Variants in TNS3 observed in about 807,000 individuals in gnomAD.
The protein encoded by TNS3 is tensin 3.
A neutral mutation model predicts 140.9 loss-of-function variants in TNS3; 45 were observed. The ratio of observed to expected loss-of-function variants is 0.32; its 90% confidence interval spans 0.25 to 0.41. TNS3 has a LOEUF of 0.41. Ranked by LOEUF, TNS3 falls within the 10% of genes least tolerant of loss-of-function variation. TNS3 has a pLI of 1.00. For missense variants in TNS3, 1,716 were observed against 1,906.7 expected (o/e 0.90, Z 1.86); for synonymous variants, 815 against 788.4 (o/e 1.03, Z -0.56).
intron 2 of TNS3, among the ~76,000 whole-genome samples, chr7:47,528,389 C>T (rs915402748): frequency 3.9e-5 from 6 of 152,098 alleles, no homozygotes; most frequent in African/African-American, 1.2e-4. Context: ...TCCCCAACCC[C>T]GCAGATGAAA....
intron 3 of TNS3, among the ~76,000 whole-genome samples, chr7:47,482,302 T>C (rs1025922445): frequency 6.6e-6 from 1 of 152,204 alleles, no homozygotes; most frequent in Non-Finnish European, 1.5e-5. Flanking sequence ...TTGCTTATCT[T>C]ACGCAGTCCA....
intron 1 of TNS3, among the ~76,000 whole-genome samples, chr7:47,556,373 A>C (rs1237292899): frequency 3.3e-5 from 5 of 152,198 alleles, no homozygotes; most frequent in African/African-American, 4.8e-5. Flanking sequence ...CTAAGGGCCA[A>C]GACCCCCTGA....
intron 4 of TNS3, among the ~76,000 whole-genome samples, chr7:47,470,132 C>A (rs1796891183): frequency 6.6e-6 from 1 of 152,112 alleles, no homozygotes; most frequent in African/African-American, 2.4e-5. Context: ...CAAAACACCA[C>A]ATGTTCTCAC....
chr7:47,396,221 C>T (rs1291109490), intron 16 of TNS3, among the ~76,000 whole-genome samples: 1 of 152,178 alleles, frequency 6.6e-6, no homozygotes, highest in African/African-American at 2.4e-5. Context: ...TTCCAGCACA[C>T]AGCTGCCCCT....
rs193281524 is a variant in TNS3 at position 47,476,656 on chromosome 7, T to C, written c.-76+4447A>G. Among the ~76,000 whole-genome samples the C allele has an allele frequency of 3.4e-3, 515 of 152,328 alleles. 6 individuals are homozygous for C. The highest frequency in any genetic ancestry group is 0.018 in the South Asian group (86 of 4,824). On this transcript the variant is annotated intron_variant, in intron 4 of 30. Transcript: ENST00000311160. ...CTCATGGAGACGTGGTGCATGCCCC[T>C]GATGCCTTAGTCTACACCCTCCATA...
intron 10 of TNS3, among the ~76,000 whole-genome samples, chr7:47,417,958 C>T (rs931666058): frequency 6.6e-6 from 1 of 152,156 alleles, no homozygotes; most frequent in Non-Finnish European, 1.5e-5. Flanking sequence ...TAGAGAACCA[C>T]CATCAGTACC....
chr7:47,470,652 C>T, intron 4 of TNS3: 1 of 985,432 alleles, frequency 1.0e-6, no homozygotes, highest in Non-Finnish European at 1.2e-6. Context: ...ACCACAGACG[C>T]AGGTAATGGT....
chr7:47,383,718 CA>C (rs895309207), intron 16 of TNS3, among the ~76,000 whole-genome samples: 1 of 152,116 alleles, frequency 6.6e-6, no homozygotes, highest in African/African-American at 2.4e-5. Flanking sequence ...CCCAGGTAGA[CA>C]GGGGATTTCT....
intron 4 of TNS3, among the ~76,000 whole-genome samples, chr7:47,452,243 A>C (rs1464294263): frequency 5.3e-5 from 8 of 152,242 alleles, no homozygotes; most frequent in Admixed American, 4.6e-4. Flanking sequence ...CCCATTTAAC[A>C]GTAGGAGAAA....
chr7:47,533,123 A>ATATATAT lies in TNS3; in HGVS notation c.-264-3977_-264-3976insATATATA, dbSNP rs1186427934. On this transcript the variant is annotated intron_variant, in intron 1 of 30. Transcript: ENST00000311160. ...AGATTTTATATATATATATATATAT[A>ATATATAT]TTTTTTTTTTTTTTTTTTTTTTTTT... Among the ~76,000 whole-genome samples, 23 of 88,820 alleles carry ATATATAT rather than the reference A, an allele frequency of 2.6e-4. 1 individual carries two copies. Among genetic ancestry groups the ATATATAT allele is most frequent in the African/African-American group, 9.4e-4 (15 of 16,004 alleles). 58.3% of individuals were successfully genotyped at this position (88,820 alleles called of 152,430 possible).
chr7:47,422,624 AAAG>A (rs1174529077), intron 10 of TNS3, among the ~76,000 whole-genome samples: 13 of 124,622 alleles, frequency 1.0e-4, no homozygotes, highest in African/African-American at 3.8e-4. Flanking sequence ...AAAAAAGAAA[AAAG>A]AAAAGAAAAA....
chr7:47,397,002 C>A, intron 15 of TNS3, 98 bp from the exon 16 acceptor site: 1 of 848,888 alleles, frequency 1.2e-6, no homozygotes, highest in South Asian at 1.5e-5. Context: ...CTGACTTGAG[C>A]AGGAGAGAGA....
rs1002193628 is a variant in TNS3 at position 47,277,668 on chromosome 7, C to T, written c.*408G>A. On this transcript the variant is annotated 3_prime_UTR_variant, in exon 31 of 31. Coordinates refer to ENST00000311160, the MANE Select transcript of TNS3 (RefSeq NM_022748.12). Reference sequence around the variant, plus strand: ...GGACAGAAGCGCCCATGCGGACGGGCGAAGCATGGCAGTCACTCGGCACCT... The same window carrying T: ...GGACAGAAGCGCCCATGCGGACGGGTGAAGCATGGCAGTCACTCGGCACCT... 3.6e-6 allele frequency: 1 copy of T among 280,010 alleles called. No individual in the cohort carries two copies. Among genetic ancestry groups the T allele is most frequent in the Non-Finnish European group, 6.9e-6 (1 of 143,908 alleles). 17.3% of individuals were successfully genotyped at this position (280,010 alleles called of 1,614,324 possible).
chr7:47,383,494 A>G (rs1403957327), intron 16 of TNS3, among the ~76,000 whole-genome samples: 1 of 152,232 alleles, frequency 6.6e-6, no homozygotes, highest in Non-Finnish European at 1.5e-5. Context: ...TTGTGAACGT[A>G]CTAAAAATCA....
At chr7:47,295,754 T>G (rs1053429470) in intron 24 of TNS3, among the ~76,000 whole-genome samples, 2 of 152,150 alleles carry the variant, frequency 1.3e-5, no homozygotes, top group Non-Finnish European at 2.9e-5. Flanking sequence ...AACCCATCTA[T>G]GTTTCCCGGA....
At chr7:47,562,372 T>C (rs143035010) in intron 1 of TNS3, among the ~76,000 whole-genome samples, 17 of 142,264 alleles carry the variant, frequency 1.2e-4, no homozygotes, top group African/African-American at 4.4e-4. Context: ...CACCCTTCAG[T>C]CTCATCTGCT....
intron 2 of TNS3, among the ~76,000 whole-genome samples, chr7:47,528,805 C>T (rs1046745570): frequency 6.6e-6 from 1 of 152,244 alleles, no homozygotes; most frequent in Non-Finnish European, 1.5e-5. Context: ...GCTGCCTCCT[C>T]TCCCATCGGG....
chr7:47,506,848 A>G (rs1798435064), intron 3 of TNS3, 59 bp downstream of exon 3: 1 of 1,245,256 alleles, frequency 8.0e-7, no homozygotes, highest in Non-Finnish European at 1.1e-6. Context: ...CACACATATC[A>G]TTCAATGAAG....
intron 20 of TNS3, among the ~76,000 whole-genome samples, chr7:47,307,186 T>C (rs1439116147): frequency 6.6e-6 from 1 of 152,194 alleles, no homozygotes; most frequent in Admixed American, 6.5e-5. Flanking sequence ...CTTCTCCTGC[T>C]CATCTGGTTT....
Sources: gnomAD v4.1 joint callset for allele counts (sites outside exome capture counted in the v4.1 genomes callset) on GRCh38, gnomAD v4.1.1 for gene constraint, MANE v1.5 for transcripts, NCBI Gene and HGNC (gene_info 2026-07-23, HGNC 2026-07-21) for gene names.